ADCY5: variants seen among roughly 807,000 people sequenced by gnomAD.
ADCY5 encodes adenylate cyclase 5, also known as adenylate cyclase type 5.
ADCY5 carries 30 observed loss-of-function variants against 119.7 expected under a neutral mutation model. That is an observed-to-expected ratio of 0.25 (90% confidence interval 0.19 to 0.34). The LOEUF (loss-of-function observed/expected upper bound fraction) is 0.34, where lower values mean the gene tolerates loss of function less well. ADCY5 is among the 10% of genes least tolerant of loss of function. ADCY5 has a pLI of 1.00. For synonymous variants in ADCY5, 753 were observed against 762.2 expected (o/e 0.99, Z 0.20); for missense variants, 1,324 against 1,775.2 (o/e 0.75, Z 4.57).
intron 1 of ADCY5, among the ~76,000 whole-genome samples, chr3:123,425,928 T>A (rs1051013204): frequency 6.6e-6 from 1 of 152,256 alleles, no homozygotes; most frequent in Non-Finnish European, 1.5e-5. Context: ...TCTTCTTGCC[T>A]GTTTACTGCC....
In ADCY5 at chr3:123,386,797, G is replaced by A. The variant is rs534142101; in HGVS notation, c.1135-34216C>T. 6.6e-5 allele frequency among the ~76,000 whole-genome samples: 10 copies of A among 152,124 alleles called. No homozygotes were observed. In the East Asian group the frequency reaches 7.8e-4, roughly 12 times the overall value. On this transcript the variant is annotated intron_variant, in intron 1 of 20. Coordinates refer to ENST00000462833, the MANE Select transcript of ADCY5 (RefSeq NM_183357.3). The stretch of plus-strand genomic sequence containing the variant: ...CTGCCAGCGCCCCCGACCCCACCCC[G>A]TTTCCTGTAACTTCTCCTAGATATA...
At chr3:123,284,992 G>A (rs1041274875) in intron 20 of ADCY5, among the ~76,000 whole-genome samples, 29 of 152,334 alleles carry the variant, frequency 1.9e-4, no homozygotes, top group African/African-American at 6.7e-4. Context: ...CAGCTTGCGT[G>A]TGCTGTTTCA....
intron 1 of ADCY5, among the ~76,000 whole-genome samples, chr3:123,389,786 C>T (rs1293080986): frequency 6.6e-6 from 1 of 152,232 alleles, no homozygotes; most frequent in Non-Finnish European, 1.5e-5. Flanking sequence ...ATAGGACAAA[C>T]TCCAGCCTGA....
intron 1 of ADCY5, among the ~76,000 whole-genome samples, chr3:123,399,803 T>C (rs1341368947): frequency 6.6e-6 from 1 of 152,188 alleles, no homozygotes; most frequent in Non-Finnish European, 1.5e-5. Flanking sequence ...ACAGCACATT[T>C]CATTTGTACT....
rs573269442 is a variant in ADCY5, at chr3:123,436,080, C to T, written c.1134+11332G>A. Among the ~76,000 whole-genome samples, 8 of 150,936 alleles carry T rather than the reference C, an allele frequency of 5.3e-5. No individual in the cohort carries two copies. The East Asian group carries it at 7.9e-4, about 15-fold the overall frequency. On this transcript the variant is annotated intron_variant, in intron 1 of 20. Transcript: ENST00000462833. The stretch of plus-strand genomic sequence containing the variant: ...TAATTTTTTATATTTTTAGTAGAGA[C>T]GGGGTTTTACTGTGTTAGCCAAGAT...
chr3:123,351,936 C>T (rs1163311058), intron 2 of ADCY5, among the ~76,000 whole-genome samples: 2 of 152,200 alleles, frequency 1.3e-5, no homozygotes, highest in African/African-American at 2.4e-5. Flanking sequence ...AACCACCAAA[C>T]CCCAGAACTC....
intron 12 of ADCY5, among the ~76,000 whole-genome samples, chr3:123,308,645 A>T (rs1940350688): frequency 6.6e-6 from 1 of 151,962 alleles, no homozygotes; most frequent in Non-Finnish European, 1.5e-5. Flanking sequence ...CTGGCTAACA[A>T]GGTGAAACCA....
At chr3:123,367,422 C>G (rs150841464) in intron 1 of ADCY5, among the ~76,000 whole-genome samples, 1 of 152,168 alleles carries the variant, frequency 6.6e-6, no homozygotes, top group African/African-American at 2.4e-5. Context: ...TGCTTTGAGG[C>G]CTGGCAAGAG....
At chr3:123,430,495 C>T (rs1945501790) in intron 1 of ADCY5, among the ~76,000 whole-genome samples, 1 of 152,192 alleles carries the variant, frequency 6.6e-6, no homozygotes, top group African/African-American at 2.4e-5. Context: ...CGAAATCAGC[C>T]CCACAGGCGT....
intron 1 of ADCY5, among the ~76,000 whole-genome samples, chr3:123,389,610 C>T (rs1708624045): frequency 6.6e-6 from 1 of 152,054 alleles, no homozygotes; most frequent in Non-Finnish European, 1.5e-5. Context: ...CTGTTTCTTG[C>T]TCTTGGTGAA....
At chr3:123,420,626 C>T (rs558103699) in intron 1 of ADCY5, among the ~76,000 whole-genome samples, 5 of 152,280 alleles carry the variant, frequency 3.3e-5, no homozygotes, top group Admixed American at 2.6e-4. Context: ...CTCGCCACCC[C>T]GGTCTGCTCA....
At chr3:123,341,859 G>A (rs1942296796) in intron 3 of ADCY5, among the ~76,000 whole-genome samples, 1 of 151,754 alleles carries the variant, frequency 6.6e-6, no homozygotes, top group Non-Finnish European at 1.5e-5. Context: ...AAATGTTTGT[G>A]GAATGACTAA....
intron 1 of ADCY5, 21 bp downstream of exon 1, chr3:123,447,391 G>T: frequency 6.6e-7 from 1 of 1,520,902 alleles, no homozygotes. Flanking sequence ...ATCCAGTCCC[G>T]GTGGCCAGGT....
chr3:123,369,178 C>A (rs1332075065), intron 1 of ADCY5, among the ~76,000 whole-genome samples: 1 of 152,144 alleles, frequency 6.6e-6, no homozygotes, highest in Non-Finnish European at 1.5e-5. Context: ...GAGAAGAGAC[C>A]TGAGCTAACG....
chr3:123,350,231 C>T (rs184792749), intron 2 of ADCY5, among the ~76,000 whole-genome samples: 1 of 152,364 alleles, frequency 6.6e-6, no homozygotes, highest in Admixed American at 6.5e-5. Flanking sequence ...AACGCCACAT[C>T]AGTGGCCTGT....
chr3:123,355,275 T>C (rs1438876064), intron 1 of ADCY5, among the ~76,000 whole-genome samples: 1 of 152,212 alleles, frequency 6.6e-6, no homozygotes. Context: ...ACAAGATCAA[T>C]ATACAAAAAG....
chr3:123,388,562 G>A (rs767315832), intron 1 of ADCY5, among the ~76,000 whole-genome samples: 41 of 124,760 alleles, frequency 3.3e-4, no homozygotes, highest in Non-Finnish European at 7.5e-4. Flanking sequence ...CAGAGGGACA[G>A]ATATGGGGAG....
intron 3 of ADCY5, among the ~76,000 whole-genome samples, chr3:123,343,209 C>T (rs753794183): frequency 1.3e-5 from 2 of 152,206 alleles, no homozygotes; most frequent in African/African-American, 2.4e-5. Context: ...AGAAGATGAG[C>T]TTCATGATGC....
chr3:123,384,383 AATG>A (rs1944144614), intron 1 of ADCY5, among the ~76,000 whole-genome samples: 1 of 152,206 alleles, frequency 6.6e-6, no homozygotes, highest in Non-Finnish European at 1.5e-5. Context: ...CCTCTGGCAC[AATG>A]ACTGAGTCGC....
Sources: allele counts gnomAD v4.1 joint callset (sites outside exome capture counted in the v4.1 genomes callset), GRCh38; gene constraint gnomAD v4.1.1; transcripts MANE v1.5; gene names NCBI Gene and HGNC (gene_info 2026-07-23, HGNC 2026-07-21).